The following MYO3B variants were observed in gnomAD, a reference collection of about 807,000 sequenced individuals.
MYO3B encodes the protein myosin-IIIb.
In MYO3B, 156 loss-of-function variants were observed where a neutral mutation model predicts 174.6. The ratio of observed to expected loss-of-function variants is 0.89; its 90% CI spans 0.78 to 1.02. MYO3B has a LOEUF of 1.02. MYO3B is among the 50% of genes least tolerant of loss of function. The pLI is 0.00. For synonymous variants in MYO3B, 563 were observed against 569.1 expected, an observed-to-expected ratio of 0.99 and a Z score of 0.15; for missense variants, 1,632 against 1,639.4, an observed-to-expected ratio of 1.00 and a Z score of 0.08.
At chr2:170,335,479 C>T in intron 8 of MYO3B, 29 bp downstream of exon 8, 1 of 1,577,374 alleles carries the variant, frequency 6.3e-7, no homozygotes, top group Non-Finnish European at 8.7e-7. Context: ...AAAAATTGCC[C>T]ATCTAGCAAG....
chr2:170,466,723 A>T lies in MYO3B; in HGVS notation c.3014+12A>T. 6.2e-7 allele frequency: 1 copy of T among 1,612,464 alleles called. No individual in the cohort carries two copies. Among genetic ancestry groups the T allele is most frequent in the Non-Finnish European group, 8.5e-7 (1 of 1,178,758 alleles). Reference sequence around the variant, plus strand: ...GAATTTGTGAAAAGGTCAGACCGTCATCTACGGGAATGCATTCTTATAAAT... The same window carrying T: ...GAATTTGTGAAAAGGTCAGACCGTCTTCTACGGGAATGCATTCTTATAAAT... On this transcript the variant is annotated intron_variant, in intron 25 of 34. Coordinates refer to ENST00000408978, the MANE Select transcript of MYO3B (RefSeq NM_138995.5).
At chr2:170,627,861 A>T (rs1251838720) in intron 32 of MYO3B, among the ~76,000 whole-genome samples, 1 of 138,256 alleles carries the variant, frequency 7.2e-6, no homozygotes, top group Admixed American at 7.1e-5. Context: ...GGTGTAGATC[A>T]GCGAATATTG....
chr2:170,316,971 G>A (rs1232527858), intron 7 of MYO3B, among the ~76,000 whole-genome samples: 1 of 152,168 alleles, frequency 6.6e-6, no homozygotes, highest in Non-Finnish European at 1.5e-5. Context: ...AAGAGATGTG[G>A]CCATTGGATG....
At position 170,652,141 on chromosome 2, in the gene MYO3B, C is replaced by T. The variant is rs764364009; in HGVS notation, c.3874C>T (p.Pro1292Ser). 34 of 1,613,858 alleles carry T rather than the reference C, an allele frequency of 2.1e-5. No homozygotes were observed. The highest frequency in any genetic ancestry group is 1.2e-5 in the Non-Finnish European group (14 of 1,179,944). Residue 1292 changes from proline to serine, a missense_variant, in exon 34 of 35, where the codon CCA becomes TCA. Pro to Ser is a moderately conservative substitution (Grantham distance 74). Coordinates refer to ENST00000408978, the MANE Select transcript of MYO3B (RefSeq NM_138995.5). ...AGAATATCAAGGGAGCAAGAGGAAG[C>T]CAAGAAAACTTGGGTAAATATCTGT... ...TLEYQGSKRK[P>S]RKLGQIKVLD...
chr2:170,520,545 T>C, intron 30 of MYO3B, among the ~76,000 whole-genome samples: 1 of 151,964 alleles, frequency 6.6e-6, no homozygotes, highest in Non-Finnish European at 1.5e-5. Context: ...GGGAGATATA[T>C]ATATTATCTC....
chr2:170,178,392 G>C (rs1193270854), intron 1 of MYO3B, 103 bp downstream of exon 1: 2 of 1,435,462 alleles, frequency 1.4e-6, no homozygotes, highest in Admixed American at 3.3e-5. Context: ...GCAGTGGAGG[G>C]GGATGACAGC....
intron 7 of MYO3B, among the ~76,000 whole-genome samples, chr2:170,283,765 G>A (rs77519905): frequency 1.1e-3 from 175 of 152,286 alleles, no homozygotes; most frequent in Non-Finnish European, 2.1e-3. Flanking sequence ...AGTACCTCTG[G>A]TTGAAATTGG....
intron 32 of MYO3B, among the ~76,000 whole-genome samples, chr2:170,636,474 G>T (rs917504118): frequency 1.3e-5 from 2 of 151,140 alleles, no homozygotes; most frequent in African/African-American, 4.9e-5. Context: ...GCCTGTCAGA[G>T]AACCTTAGTC....
chr2:170,515,559 A>G (rs2106126843), intron 29 of MYO3B, among the ~76,000 whole-genome samples: 1 of 152,228 alleles, frequency 6.6e-6, no homozygotes, highest in East Asian at 1.9e-4. Context: ...TCACGGTAAC[A>G]TGAGACAATT....
At chr2:170,487,623 G>A (rs976147782) in intron 25 of MYO3B, among the ~76,000 whole-genome samples, 2 of 152,222 alleles carry the variant, frequency 1.3e-5, no homozygotes, top group African/African-American at 4.8e-5. Flanking sequence ...TTCAGTCTGT[G>A]TAATTAGCCT....
At chr2:170,545,697 A>G (rs915241512) in intron 32 of MYO3B, among the ~76,000 whole-genome samples, 2 of 152,206 alleles carry the variant, frequency 1.3e-5, no homozygotes, top group Admixed American at 6.5e-5. Context: ...TTTGCTATAA[A>G]TGGCTCATAT....
intron 7 of MYO3B, among the ~76,000 whole-genome samples, chr2:170,316,115 T>G (rs925696537): frequency 6.6e-6 from 1 of 152,242 alleles, no homozygotes; most frequent in African/African-American, 2.4e-5. Flanking sequence ...GTATTCCATA[T>G]TCCCATATCT....
chr2:170,486,183 A>G lies in MYO3B; in HGVS notation c.3015-12409A>G, dbSNP rs180756325. On this transcript the variant is annotated intron_variant, in intron 25 of 34. Coordinates refer to ENST00000408978, the MANE Select transcript of MYO3B (RefSeq NM_138995.5). The stretch of plus-strand genomic sequence containing the variant: ...AAAGCCCCTAATAGATTATCTAGGG[A>G]TATTTTAGGAGGCTTCCAACTTATT... Among the ~76,000 whole-genome samples, 524 of 152,230 alleles carry G rather than the reference A, an allele frequency of 3.4e-3. 1 individual carries two copies. The highest frequency in any genetic ancestry group is 5.8e-3 in the Admixed American group (89 of 15,284).
At chr2:170,605,368 G>A (rs1247554852) in intron 32 of MYO3B, among the ~76,000 whole-genome samples, 11 of 152,108 alleles carry the variant, frequency 7.2e-5, no homozygotes, top group Non-Finnish European at 1.0e-4. Flanking sequence ...CCAGTGATGT[G>A]TTGATGATGC....
At chr2:170,442,331 G>A (rs1423866450) in intron 22 of MYO3B, among the ~76,000 whole-genome samples, 2 of 152,060 alleles carry the variant, frequency 1.3e-5, no homozygotes, top group Non-Finnish European at 2.9e-5. Context: ...ATGTAGAGCT[G>A]TATCATTATG....
chr2:170,268,614 C>A (rs947989413), intron 7 of MYO3B, among the ~76,000 whole-genome samples: 7 of 152,122 alleles, frequency 4.6e-5, no homozygotes, highest in Admixed American at 1.3e-4. Flanking sequence ...AGGAAATAAA[C>A]TTTAAAATGC....
At position 170,285,976 on chromosome 2, in the gene MYO3B, A is replaced by G. The variant is rs537368954; in HGVS notation, c.750-49409A>G. ...TGATTAATGTTTTACCAACTGATTTATCATGTCATGTCTACCATATATCTA... is the reference window on the plus strand; with the variant it reads ...TGATTAATGTTTTACCAACTGATTTGTCATGTCATGTCTACCATATATCTA... On this transcript the variant is annotated intron_variant, in intron 7 of 34. Coordinates refer to ENST00000408978, the MANE Select transcript of MYO3B (RefSeq NM_138995.5). Among the ~76,000 whole-genome samples, 8 of 152,266 alleles carry G rather than the reference A, an allele frequency of 5.3e-5. No homozygotes were observed. In the East Asian group the frequency reaches 1.5e-3, roughly 29 times the overall value.
intron 8 of MYO3B, among the ~76,000 whole-genome samples, chr2:170,354,833 TC>T (rs2094107499): frequency 6.6e-6 from 1 of 151,908 alleles, no homozygotes; most frequent in African/African-American, 2.4e-5. Flanking sequence ...TTTTAAGGAC[TC>T]CCCAGACTCT....
Position 170,401,805 on chromosome 2 carries a change from T to TC in MYO3B, c.2129+114_2129+115insC. On this transcript the variant is annotated intron_variant, in intron 18 of 34. Transcript: ENST00000408978. ...CTCTGGGATTTTCTTTCTTTTTCTT[T>TC]TTTTTTTTTTTTGTGGAGTCAGAGT... 6.5e-6 allele frequency: 6 copies of TC among 919,178 alleles called. No individual in the cohort carries two copies. In the South Asian group the frequency reaches 7.9e-5, roughly 12 times the overall value. 56.9% of individuals were successfully genotyped at this position (919,178 alleles called of 1,614,324 possible).
Sources: allele counts gnomAD v4.1 joint callset (sites outside exome capture counted in the v4.1 genomes callset), GRCh38; gene constraint gnomAD v4.1.1; transcripts MANE v1.5; gene names NCBI Gene and HGNC (gene_info 2026-07-23, HGNC 2026-07-21).